Variants in NAALADL2 observed in about 807,000 individuals in gnomAD.
NAALADL2 encodes N-acetylated alpha-linked acidic dipeptidase like 2, also known as inactive N-acetylated-alpha-linked acidic dipeptidase-like protein 2.
Under a neutral mutation model 87.2 loss-of-function variants are expected in NAALADL2, and 76 were observed. The ratio of observed to expected loss-of-function variants is 0.87; its 90% CI spans 0.72 to 1.05. The LOEUF is 1.05. Among genes scored for constraint, NAALADL2 ranks in the 50% least tolerant of loss-of-function variants. NAALADL2 has a pLI of 0.00. For missense variants in NAALADL2, 1,089 were observed against 945.8 expected (o/e 1.15, Z -1.99); for synonymous variants, 354 against 331.0 (o/e 1.07, Z -0.75).
intron 2 of NAALADL2, among the ~76,000 whole-genome samples, chr3:174,628,215 C>T (rs745314133): frequency 6.6e-6 from 1 of 152,052 alleles, no homozygotes; most frequent in Non-Finnish European, 1.5e-5. Context: ...TTGTGGCTCA[C>T]GCTTGTAATC....
At chr3:174,752,463 A>G (rs967119175) in intron 3 of NAALADL2, among the ~76,000 whole-genome samples, 1 of 152,020 alleles carries the variant, frequency 6.6e-6, no homozygotes, top group Non-Finnish European at 1.5e-5. Flanking sequence ...TTTCAAATTT[A>G]CTTGTATATT....
intron 11 of NAALADL2, among the ~76,000 whole-genome samples, chr3:175,689,527 C>T (rs993675890): frequency 2.0e-5 from 3 of 152,214 alleles, no homozygotes; most frequent in Middle Eastern, 3.4e-3. Context: ...TTCTCACTTA[C>T]GACTTCAAAT....
chr3:175,514,403 G>T (rs1027972097), intron 9 of NAALADL2, among the ~76,000 whole-genome samples: 3 of 152,066 alleles, frequency 2.0e-5, no homozygotes, highest in African/African-American at 7.2e-5. Flanking sequence ...AAATATGAGG[G>T]TTTTCATCAC....
chr3:174,743,205 CT>C (rs1733924878), intron 3 of NAALADL2, among the ~76,000 whole-genome samples: 1 of 151,750 alleles, frequency 6.6e-6, no homozygotes, highest in Non-Finnish European at 1.5e-5. Context: ...TGTCTATCCA[CT>C]TTATATCTAC....
intron 2 of NAALADL2, among the ~76,000 whole-genome samples, chr3:174,662,799 G>T (rs1725624933): frequency 6.6e-6 from 1 of 152,200 alleles, no homozygotes. Flanking sequence ...TGTTGGGTAT[G>T]CTCTGTGCTA....
chr3:175,239,745 C>T (rs1212105898), intron 3 of NAALADL2, among the ~76,000 whole-genome samples: 3 of 152,188 alleles, frequency 2.0e-5, no homozygotes, highest in Non-Finnish European at 2.9e-5. Context: ...TTCAACAGCC[C>T]AGACTAGCAT....
intron 1 of NAALADL2, among the ~76,000 whole-genome samples, chr3:175,082,787 C>A (rs1445651299): frequency 6.6e-6 from 1 of 152,160 alleles, no homozygotes; most frequent in East Asian, 1.9e-4. Context: ...GCATAGCTTT[C>A]TTTTACATAG....
intron 1 of NAALADL2, among the ~76,000 whole-genome samples, chr3:174,921,839 G>GA (rs10712948): frequency 7.5e-6 from 1 of 132,686 alleles, no homozygotes; most frequent in Non-Finnish European, 1.6e-5. Flanking sequence ...AAAAAGAAAA[G>GA]AAAAAAATCT....
intron 2 of NAALADL2, among the ~76,000 whole-genome samples, chr3:174,637,235 G>A (rs576693019): frequency 6.6e-6 from 1 of 152,132 alleles, no homozygotes; most frequent in South Asian, 2.1e-4. Flanking sequence ...CAGTTAGATA[G>A]AAGGTATAAG....
chr3:175,687,748 T>G (rs577894477), intron 11 of NAALADL2, among the ~76,000 whole-genome samples: 2 of 152,304 alleles, frequency 1.3e-5, no homozygotes, highest in East Asian at 3.9e-4. Context: ...CACTCACGGC[T>G]TGGTGCCGTC....
At chr3:175,716,662 G>T (rs938772348) in intron 11 of NAALADL2, among the ~76,000 whole-genome samples, 2 of 152,080 alleles carry the variant, frequency 1.3e-5, no homozygotes, top group African/African-American at 4.8e-5. Context: ...AGGGAAAGTG[G>T]CTCAAAGTGA....
At chr3:175,727,301 G>A (rs1009520714) in intron 11 of NAALADL2, among the ~76,000 whole-genome samples, 10 of 152,098 alleles carry the variant, frequency 6.6e-5, no homozygotes, top group South Asian at 2.1e-4. Context: ...TCTTTCCTCC[G>A]GAGGTATTCA....
intron 3 of NAALADL2, among the ~76,000 whole-genome samples, chr3:174,746,941 A>C (rs998453520): frequency 1.3e-5 from 2 of 152,194 alleles, no homozygotes; most frequent in African/African-American, 2.4e-5. Context: ...AGATGGATTA[A>C]AGACTGAAAT....
intron 5 of NAALADL2, among the ~76,000 whole-genome samples, chr3:175,360,264 G>T (rs141414517): frequency 0.01 from 1,562 of 152,070 alleles, 21 homozygotes; most frequent in African/African-American, 0.036. Context: ...TTCTCTACTT[G>T]TTTAGTTTTC....
At chr3:174,610,377 C>G (rs1328680828) in intron 2 of NAALADL2, among the ~76,000 whole-genome samples, 1 of 150,936 alleles carries the variant, frequency 6.6e-6, no homozygotes, top group South Asian at 2.1e-4. Context: ...AGTGAACAGG[C>G]AACCTACAAA....
chr3:174,863,261 A>G (rs1230367771), intron 1 of NAALADL2, among the ~76,000 whole-genome samples: 12 of 152,076 alleles, frequency 7.9e-5, no homozygotes, highest in Admixed American at 7.9e-4. Flanking sequence ...ATTATTTTCT[A>G]GAGTAATTTA....
Position 175,702,804 on chromosome 3 carries a change from G to A in NAALADL2, c.1897-34502G>A, listed in dbSNP as rs184049459. Among the ~76,000 whole-genome samples, 544 of 152,024 alleles carry A rather than the reference G, an allele frequency of 3.6e-3. 3 individuals are homozygous for A. Among genetic ancestry groups the A allele is most frequent in the African/African-American group, 0.012 (505 of 41,476 alleles). On this transcript the variant is annotated intron_variant, in intron 11 of 13. Coordinates refer to ENST00000454872, the MANE Select transcript of NAALADL2 (RefSeq NM_207015.3). ...CCCTCTACTTGGGAAAGATATATTA[G>A]TGTATTAAATTGTCAGCAAAAAAAT... is the stretch of plus-strand genomic sequence containing the variant.
At chr3:175,470,184 A>C (rs1459490640) in intron 8 of NAALADL2, among the ~76,000 whole-genome samples, 1 of 152,080 alleles carries the variant, frequency 6.6e-6, no homozygotes, top group Non-Finnish European at 1.5e-5. Flanking sequence ...TATATATAAC[A>C]CATTTCCTTT....
rs77810729 is a variant in NAALADL2, at chr3:174,477,622, A to T, written c.-184+36590A>T. 1.7e-3 allele frequency among the ~76,000 whole-genome samples: 258 copies of T among 152,320 alleles called. 1 individual carries two copies. Among genetic ancestry groups the T allele is most frequent in the African/African-American group, 6.1e-3 (252 of 41,586 alleles). ...TTTAATTTGTTTTTGAAATAATAAC[A>T]CACCATTAAAAATCATGCTTCTGGA... is the stretch of plus-strand genomic sequence containing the variant. On this transcript the variant is annotated intron_variant, in intron 1 of 3. Transcript: ENST00000434257.
Sources: gnomAD v4.1 joint callset for allele counts (sites outside exome capture counted in the v4.1 genomes callset) on GRCh38, gnomAD v4.1.1 for gene constraint, MANE v1.5 for transcripts, NCBI Gene and HGNC (gene_info 2026-07-23, HGNC 2026-07-21) for gene names.